LEF1: variants seen among roughly 807,000 people sequenced by gnomAD.
LEF1 encodes lymphoid enhancer-binding factor 1.
A neutral mutation model predicts 51.2 loss-of-function variants in LEF1; 14 were observed. The ratio of observed to expected loss-of-function variants is 0.27; its 90% confidence interval spans 0.18 to 0.43. The LOEUF (loss-of-function observed/expected upper bound fraction) is 0.43, where lower values mean the gene tolerates loss of function less well. Among genes scored for constraint, LEF1 ranks in the 20% least tolerant of loss-of-function variants. The probability of loss-of-function intolerance (pLI) is 1.00; values close to 1 mark genes in which losing one functional copy is unlikely to be tolerated. For missense variants in LEF1, 386 were observed against 512.0 expected, an observed-to-expected ratio of 0.75 and a Z score of 2.37; for synonymous variants, 185 against 183.2, an observed-to-expected ratio of 1.01 and a Z score of -0.08.
At chr4:108,160,570 G>A (rs946220156) in intron 3 of LEF1, among the ~76,000 whole-genome samples, 48 of 152,062 alleles carry the variant, frequency 3.2e-4, no homozygotes, top group African/African-American at 1.1e-3. Context: ...AAGATTTCTG[G>A]TATAGACACA....
rs1208353032 is a variant in LEF1 at position 108,168,769 on chromosome 4, T to G, written c.-1002A>C. ...GGCCAGCTCTGTCAAAGCAAAGAGC[T>G]GCGCCCCTTGAGTTCGCCCGGCCGA... On this transcript the variant is annotated 5_prime_UTR_variant, in exon 1 of 12. Coordinates refer to ENST00000265165, the MANE Select transcript of LEF1 (RefSeq NM_016269.5). This position sits in a 1 kb window ranked among gnomAD's most constrained non-coding sequence, Gnocchi z 4.6. 1 of 152,118 alleles carries G rather than the reference T, an allele frequency of 6.6e-6. No homozygotes were observed. The highest frequency in any genetic ancestry group is 1.5e-5 in the Non-Finnish European group (1 of 68,028). The allele number at this position is 152,118 out of a possible 1,614,324, so 9.4% of individuals were successfully genotyped here. A position where few individuals can be genotyped will look rare whatever the true frequency, so the allele number is the denominator to read the frequency against.
At chr4:108,159,367 G>T (rs1744929239) in intron 3 of LEF1, among the ~76,000 whole-genome samples, 1 of 152,094 alleles carries the variant, frequency 6.6e-6, no homozygotes, top group African/African-American at 2.4e-5. Context: ...ACTTGAAGGG[G>T]AAAACTCAAT....
At chr4:108,141,598 G>C (rs990021922) in intron 3 of LEF1, among the ~76,000 whole-genome samples, 2 of 152,110 alleles carry the variant, frequency 1.3e-5, no homozygotes, top group African/African-American at 4.8e-5. Context: ...CAATGCAAGC[G>C]AGTGGCAGCC....
chr4:108,106,702 A>G (rs1741192156), intron 3 of LEF1, among the ~76,000 whole-genome samples: 1 of 152,252 alleles, frequency 6.6e-6, no homozygotes, highest in Admixed American at 6.5e-5. Context: ...CCATAGCTCC[A>G]GAAGACTACC....
At chr4:108,156,252 T>C (rs1409703895) in intron 3 of LEF1, among the ~76,000 whole-genome samples, 2 of 152,326 alleles carry the variant, frequency 1.3e-5, no homozygotes, top group African/African-American at 4.8e-5. Flanking sequence ...TAGTCCATTC[T>C]TTATTTATTC....
At chr4:108,136,911 C>T (rs995230714) in intron 3 of LEF1, among the ~76,000 whole-genome samples, 9 of 152,086 alleles carry the variant, frequency 5.9e-5, no homozygotes, top group Non-Finnish European at 1.2e-4. Context: ...TCTAAGTCTT[C>T]CTTTAAAATT....
intron 4 of LEF1, among the ~76,000 whole-genome samples, chr4:108,087,637 T>C (rs1739738481): frequency 6.6e-6 from 1 of 152,172 alleles, no homozygotes. Context: ...AAAGAGTTAA[T>C]GTTTCGAAGA....
intron 3 of LEF1, among the ~76,000 whole-genome samples, chr4:108,126,169 T>C (rs1002590379): frequency 1.3e-5 from 2 of 152,118 alleles, no homozygotes; most frequent in African/African-American, 4.8e-5. Context: ...AAAATACACA[T>C]GAATAAGAAG....
At chr4:108,135,884 T>C (rs1743233094) in intron 3 of LEF1, among the ~76,000 whole-genome samples, 1 of 152,162 alleles carries the variant, frequency 6.6e-6, no homozygotes, top group Non-Finnish European at 1.5e-5. Flanking sequence ...CTTTTTCTTT[T>C]TGGCTTCATC....
chr4:108,145,379 A>G (rs899701676), intron 3 of LEF1, among the ~76,000 whole-genome samples: 1 of 152,248 alleles, frequency 6.6e-6, no homozygotes, highest in African/African-American at 2.4e-5. Flanking sequence ...AAGCTGACCA[A>G]AATAACGAGA....
At chr4:108,156,178 A>G (rs549946883) in intron 3 of LEF1, among the ~76,000 whole-genome samples, 5 of 152,176 alleles carry the variant, frequency 3.3e-5, no homozygotes, top group Non-Finnish European at 7.4e-5. Context: ...CATTTCTTCA[A>G]TTAGGTTTCT....
rs868533415 is a variant in LEF1, at chr4:108,138,543, G to A, written c.414+25025C>T. Among the ~76,000 whole-genome samples, 7 of 151,956 alleles carry A rather than the reference G, an allele frequency of 4.6e-5. No homozygotes were observed. In the Middle Eastern group the frequency reaches 0.01, roughly 222 times the overall value. On this transcript the variant is annotated intron_variant, in intron 3 of 11. Transcript: ENST00000265165. ...CACACACACACGAGTATGCCTGACA[G>A]CTTACCTAGCATATACATTTCTACA...
chr4:108,085,696 C>A (rs911052214), intron 4 of LEF1, among the ~76,000 whole-genome samples: 7 of 49,918 alleles, frequency 1.4e-4, no homozygotes, highest in Non-Finnish European at 2.9e-4. Flanking sequence ...CTATGCTAGG[C>A]GTTTGACTCT....
rs1223366515 is a variant in LEF1 at position 108,077,603 on chromosome 4, C to T, written c.1008+617G>A. 3.8e-5 allele frequency among the ~76,000 whole-genome samples: 4 copies of T among 105,242 alleles called. No homozygotes were observed. The East Asian group carries it at 1.2e-3, about 31-fold the overall frequency. 69.0% of individuals were successfully genotyped at this position (105,242 alleles called of 152,430 possible). On this transcript the variant is annotated intron_variant, in intron 8 of 11. Transcript: ENST00000265165. ...CTGGGAAGTGAGGGGCGCCTCTGCC[C>T]GGCTGCCGCCCCGTCTGGGAAGTGA...
At chr4:108,078,753 C>G (rs1209341970) in intron 7 of LEF1, among the ~76,000 whole-genome samples, 2 of 152,194 alleles carry the variant, frequency 1.3e-5, no homozygotes, top group African/African-American at 4.8e-5. Flanking sequence ...AAGCTGAACA[C>G]ACAGCACAGG....
chr4:108,105,756 T>G (rs1741123256), intron 3 of LEF1, among the ~76,000 whole-genome samples: 1 of 152,170 alleles, frequency 6.6e-6, no homozygotes. Context: ...AAGGTCTCTA[T>G]CAAAGCTTTC....
At chr4:108,085,335 C>T (rs1006619969) in intron 4 of LEF1, among the ~76,000 whole-genome samples, 5 of 152,214 alleles carry the variant, frequency 3.3e-5, no homozygotes, top group African/African-American at 4.8e-5. Flanking sequence ...CCGCCCGCCT[C>T]GTCCTCCCAA....
chr4:108,091,768 G>A (rs1162550871), intron 3 of LEF1, among the ~76,000 whole-genome samples: 1 of 152,170 alleles, frequency 6.6e-6, no homozygotes, highest in Non-Finnish European at 1.5e-5. Context: ...TAGAATGCTA[G>A]AAGTGGGGGT....
chr4:108,122,623 G>A (rs1012841016), intron 3 of LEF1, among the ~76,000 whole-genome samples: 6 of 151,998 alleles, frequency 3.9e-5, no homozygotes, highest in South Asian at 2.1e-4. Flanking sequence ...GACTACAAGC[G>A]TGCACCACCA....
Sources: gnomAD v4.1 joint callset for allele counts (sites outside exome capture counted in the v4.1 genomes callset) on GRCh38, gnomAD v4.1.1 for gene constraint, Gnocchi (gnomAD v3.1) non-coding constraint, MANE v1.5 for transcripts, NCBI Gene and HGNC (gene_info 2026-07-23, HGNC 2026-07-21) for gene names.